The following SLC9A9 variants were observed in gnomAD, a reference collection of about 807,000 sequenced individuals.
SLC9A9 encodes sodium/hydrogen exchanger 9.
In SLC9A9, 62 loss-of-function variants were observed where a neutral mutation model predicts 77.8. The ratio of observed to expected loss-of-function variants is 0.80; its 90% CI spans 0.65 to 0.98. The LOEUF is 0.98. Among genes scored for constraint, SLC9A9 ranks in the 50% least tolerant of loss-of-function variants. The pLI, the probability that SLC9A9 is intolerant of heterozygous loss-of-function variation, is 0.00. For synonymous variants in SLC9A9, 320 were observed against 283.5 expected, an observed-to-expected ratio of 1.13 and a Z score of -1.29; for missense variants, 775 against 774.9, an observed-to-expected ratio of 1.00 and a Z score of 0.00.
chr3:143,752,568 G>C (rs1019924280), intron 4 of SLC9A9, among the ~76,000 whole-genome samples: 1 of 152,096 alleles, frequency 6.6e-6, no homozygotes, highest in Non-Finnish European at 1.5e-5. Flanking sequence ...TTAAAATAAT[G>C]AGTGTAGTTA....
At chr3:143,280,832 C>G (rs1938196847) in intron 14 of SLC9A9, among the ~76,000 whole-genome samples, 1 of 152,288 alleles carries the variant, frequency 6.6e-6, no homozygotes, top group African/African-American at 2.4e-5. Context: ...GAATTACAGG[C>G]ATGAGCTACC....
At chr3:143,794,714 A>G (rs982157504) in intron 4 of SLC9A9, among the ~76,000 whole-genome samples, 1 of 152,188 alleles carries the variant, frequency 6.6e-6, no homozygotes, top group Non-Finnish European at 1.5e-5. Context: ...CTCAAACTAA[A>G]AGAAGAATGC....
At chr3:143,573,751 A>G (rs2037308806) in intron 8 of SLC9A9, among the ~76,000 whole-genome samples, 1 of 152,124 alleles carries the variant, frequency 6.6e-6, no homozygotes, top group South Asian at 2.1e-4. Context: ...TCTACAAAGC[A>G]GTTGTGGGTA....
chr3:143,793,238 G>A (rs1246971910), intron 4 of SLC9A9, among the ~76,000 whole-genome samples: 2 of 151,840 alleles, frequency 1.3e-5, no homozygotes, highest in South Asian at 2.1e-4. Flanking sequence ...TTAGATAAAG[G>A]CAATTATATA....
intron 5 of SLC9A9, among the ~76,000 whole-genome samples, chr3:143,675,810 T>A (rs2039225793): frequency 6.6e-6 from 1 of 152,234 alleles, no homozygotes; most frequent in Non-Finnish European, 1.5e-5. Flanking sequence ...GATCATAATA[T>A]GCATACTCTT....
At chr3:143,630,171 T>A (rs997308045) in intron 6 of SLC9A9, among the ~76,000 whole-genome samples, 3 of 152,184 alleles carry the variant, frequency 2.0e-5, no homozygotes, top group African/African-American at 7.2e-5. Flanking sequence ...GCGTTATTCA[T>A]CAAGGAGATG....
chr3:143,722,466 C>A (rs1453246885), intron 4 of SLC9A9, among the ~76,000 whole-genome samples: 8 of 47,332 alleles, frequency 1.7e-4, no homozygotes, highest in Non-Finnish European at 2.7e-4. Context: ...GAGCGAGACT[C>A]CATCTCAAAA....
In SLC9A9 at chr3:143,686,546, G is replaced by A. The variant is rs575984072; in HGVS notation, c.649+6646C>T. 6.6e-5 allele frequency among the ~76,000 whole-genome samples: 10 copies of A among 152,096 alleles called. No individual in the cohort carries two copies. In the South Asian group the frequency reaches 1.0e-3, roughly 16 times the overall value. On this transcript the variant is annotated intron_variant, in intron 5 of 15. Coordinates refer to ENST00000316549, the MANE Select transcript of SLC9A9 (RefSeq NM_173653.4). ...AGAAGGTGGGGAGGGAGCAACAAGCGAAAATACACCAAAGCAGCCACAAAA... is the reference window on the plus strand; with the variant it reads ...AGAAGGTGGGGAGGGAGCAACAAGCAAAAATACACCAAAGCAGCCACAAAA...
intron 6 of SLC9A9, among the ~76,000 whole-genome samples, chr3:143,644,010 G>A (rs28435539): frequency 0.027 from 4,056 of 151,452 alleles, 67 homozygotes; most frequent in Middle Eastern, 0.042. Flanking sequence ...GATGCCATTA[G>A]TCACCTTCTC....
intron 9 of SLC9A9, among the ~76,000 whole-genome samples, chr3:143,530,233 C>A (rs2036480042): frequency 6.6e-6 from 1 of 152,242 alleles, no homozygotes; most frequent in Non-Finnish European, 1.5e-5. Context: ...CCACACAAAT[C>A]TCATCTTGTA....
chr3:143,829,207 C>A (rs988474988), intron 2 of SLC9A9, among the ~76,000 whole-genome samples: 8 of 152,124 alleles, frequency 5.3e-5, no homozygotes, highest in African/African-American at 1.4e-4. Context: ...TTTGCACCCA[C>A]CCCTTCCTCA....
intron 13 of SLC9A9, 176 bp downstream of exon 13, chr3:143,381,884 A>C: frequency 4.1e-6 from 3 of 739,696 alleles, no homozygotes; most frequent in Non-Finnish European, 7.1e-6. Flanking sequence ...TTCATATGCT[A>C]GAAGTTATCA....
At chr3:143,579,826 T>G (rs2037424045) in intron 6 of SLC9A9, among the ~76,000 whole-genome samples, 1 of 152,170 alleles carries the variant, frequency 6.6e-6, no homozygotes, top group Non-Finnish European at 1.5e-5. Context: ...CTGACCTGAC[T>G]TTTGGTATCC....
At chr3:143,678,556 C>G (rs1381592469) in intron 5 of SLC9A9, among the ~76,000 whole-genome samples, 2 of 152,116 alleles carry the variant, frequency 1.3e-5, no homozygotes, top group Non-Finnish European at 2.9e-5. Context: ...CATCATTTCC[C>G]CATTGAATTG....
chr3:143,393,441 A>C (rs1289977550), intron 12 of SLC9A9, among the ~76,000 whole-genome samples: 2 of 152,240 alleles, frequency 1.3e-5, no homozygotes, highest in Non-Finnish European at 1.5e-5. Flanking sequence ...TCTGGGACAC[A>C]TTCAAAACAG....
intron 12 of SLC9A9, among the ~76,000 whole-genome samples, chr3:143,423,940 C>T (rs546172769): frequency 2.6e-4 from 40 of 152,302 alleles, no homozygotes; most frequent in African/African-American, 9.4e-4. Context: ...GTATCAGAAA[C>T]ACCCAGAATA....
At chr3:143,611,519 TGA>T (rs2038021453) in intron 6 of SLC9A9, among the ~76,000 whole-genome samples, 1 of 152,186 alleles carries the variant, frequency 6.6e-6, no homozygotes, top group African/African-American at 2.4e-5. Context: ...AATGATTTCT[TGA>T]GAGACAAAAG....
intron 12 of SLC9A9, among the ~76,000 whole-genome samples, chr3:143,450,001 T>C (rs1250590478): frequency 4.8e-5 from 5 of 104,814 alleles, no homozygotes; most frequent in South Asian, 2.8e-4. Context: ...TACATATATA[T>C]ACATATATGC....
At chr3:143,537,821 G>A (rs979529515) in intron 9 of SLC9A9, among the ~76,000 whole-genome samples, 71 of 152,216 alleles carry the variant, frequency 4.7e-4, no homozygotes, top group African/African-American at 1.5e-3. Context: ...GGGTTGGGAG[G>A]GCCAGCTTCA....
Sources: gnomAD v4.1 joint callset for allele counts (sites outside exome capture counted in the v4.1 genomes callset) on GRCh38, gnomAD v4.1.1 for gene constraint, MANE v1.5 for transcripts, NCBI Gene and HGNC (gene_info 2026-07-23, HGNC 2026-07-21) for gene names.